NDUFAF8: variants seen among roughly 807,000 people sequenced by gnomAD.
NDUFAF8 encodes NADH dehydrogenase [ubiquinone] 1 alpha subcomplex assembly factor 8.
Under a neutral mutation model 9.9 loss-of-function variants are expected in NDUFAF8, and 9 were observed. The observed-to-expected ratio is 0.91, with a 90% CI of 0.55 to 1.59. The LOEUF (loss-of-function observed/expected upper bound fraction) is 1.59. Ranked by LOEUF, NDUFAF8 falls within the 40% of genes most tolerant of loss-of-function variation. NDUFAF8 has a pLI of 0.00. For missense variants in NDUFAF8, 114 were observed against 113.8 expected (o/e 1.00, Z -0.01); for synonymous variants, 63 against 51.2 (o/e 1.23, Z -0.98).
chr17:81,239,665 G>C lies in NDUFAF8; in HGVS notation c.182G>C (p.Cys61Ser), dbSNP rs1178461148. Residue 61 changes from cysteine to serine, a missense_variant, in exon 2 of 3, where the codon TGC (cysteine) becomes TCC (serine). Transcript: ENST00000431388. ...CGGGAGTTCGAGGCCCTGCGGAGCTGCTTCGCCGCTGCGGTAGGTGGGCGC... is the reference window on the plus strand; with the variant it reads ...CGGGAGTTCGAGGCCCTGCGGAGCTCCTTCGCCGCTGCGGTAGGTGGGCGC... Reference protein sequence around the residue: ...CAREFEALRSCFAAAAKKTLE... With the variant: ...CAREFEALRSSFAAAAKKTLE... 2.3e-5 allele frequency: 35 copies of C among 1,539,100 alleles called. No individual in the cohort carries two copies. Among genetic ancestry groups the C allele is most frequent in the Non-Finnish European group, 3.1e-5 (35 of 1,146,534 alleles).
chr17:81,240,785 G>A (rs1185117726), intron 2 of NDUFAF8, among the ~76,000 whole-genome samples: 4 of 152,112 alleles, frequency 2.6e-5, no homozygotes, highest in Non-Finnish European at 4.4e-5. Flanking sequence ...ATAGTGTCAT[G>A]AGGCCCTTGT....
chr17:81,241,084 T>G lies in NDUFAF8; in HGVS notation c.*68T>G. 1 of 1,563,848 alleles carries G rather than the reference T, an allele frequency of 6.4e-7. No individual in the cohort carries two copies. The highest frequency in any genetic ancestry group is 1.2e-5 in the South Asian group (1 of 85,270). On this transcript the variant is annotated 3_prime_UTR_variant, in exon 3 of 3. Coordinates refer to ENST00000431388, the MANE Select transcript of NDUFAF8 (RefSeq NM_001086521.2). ...GAGCCCTAGTCCTGATGGCCCCTGG[T>G]GGCACATATCGAATGCCTAGGGCAG...
chr17:81,239,520 G>A, intron 1 of NDUFAF8, 48 bp from the exon 2 acceptor site: 1 of 1,458,388 alleles, frequency 6.9e-7, no homozygotes, highest in Non-Finnish European at 9.0e-7. Context: ...GAGGGAGGAC[G>A]GTGACGGGGT....
rs2062790973 is a variant in NDUFAF8, at chr17:81,239,548, C to T, written c.85-20C>T. ...GACGGGGTCAGGGGACCCCACGACC[C>T]ACGCCCGTCCTTTCCGCAGGCCGCG... On this transcript the variant is annotated intron_variant, in intron 1 of 2. Transcript: ENST00000431388. 1 of 1,519,842 alleles carries T rather than the reference C, an allele frequency of 6.6e-7. No individual in the cohort carries two copies. The highest frequency in any genetic ancestry group is 2.0e-5 in the Admixed American group (1 of 49,362). The allele number at this position is 1,519,842 out of a possible 1,614,324, so 94.1% of individuals were successfully genotyped here.
rs1415020218 is a variant in NDUFAF8, at chr17:81,239,553, C to G, written c.85-15C>G. On this transcript the variant is annotated splice_polypyrimidine_tract_variant and intron_variant, in intron 1 of 2. Transcript: ENST00000431388. The stretch of plus-strand genomic sequence containing the variant: ...GGTCAGGGGACCCCACGACCCACGC[C>G]CGTCCTTTCCGCAGGCCGCGGCGTA... 3 of 1,525,986 alleles carry G rather than the reference C, an allele frequency of 2.0e-6. No homozygotes were observed. Among genetic ancestry groups the G allele is most frequent in the Admixed American group, 4.0e-5 (2 of 49,986 alleles). The allele number at this position is 1,525,986 out of a possible 1,614,324, so 94.5% of individuals were successfully genotyped here. A position where few individuals can be genotyped will look rare whatever the true frequency, so the allele number is the denominator to read the frequency against.
chr17:81,241,016 G>A lies in NDUFAF8; in HGVS notation c.225G>A (p.Ter75=). 1 of 1,613,232 alleles carries A rather than the reference G, an allele frequency of 6.2e-7. No homozygotes were observed. The part of the protein sequence containing the change: ...AAKKTLEGGC[*] ...AGAAGACGCTGGAGGGAGGCTGTTA[G>A]GAGGGACTCTGAGCTTCACACCTGT... is the stretch of plus-strand genomic sequence containing the variant. The change falls in exon 3 of 3, where the codon TAG becomes TAA. Residue 75 remains the stop codon, a stop_retained_variant. Transcript: ENST00000431388.
chr17:81,240,966 A>T, intron 2 of NDUFAF8, 21 bp from the exon 3 acceptor site: 1 of 1,612,532 alleles, frequency 6.2e-7, no homozygotes, highest in Non-Finnish European at 8.5e-7. Flanking sequence ...AGCCATTCAG[A>T]CAAAACACTT....
At chr17:81,240,684 G>T (rs796602915) in intron 2 of NDUFAF8, among the ~76,000 whole-genome samples, 6 of 148,416 alleles carry the variant, frequency 4.0e-5, no homozygotes, top group Non-Finnish European at 7.4e-5. Flanking sequence ...AAAAAAAAGG[G>T]GGGGGGCTCC....
intron 2 of NDUFAF8, chr17:81,239,893 C>G: frequency 1.6e-6 from 1 of 614,494 alleles, no homozygotes; most frequent in East Asian, 2.9e-5. Context: ...GGACTGGCAC[C>G]AACCTCAGAA....
chr17:81,239,425 G>A lies in NDUFAF8; in HGVS notation c.62G>A (p.Arg21Gln), dbSNP rs1419097720. 7.3e-7 allele frequency: 1 copy of A among 1,361,480 alleles called. No homozygotes were observed. The allele number at this position is 1,361,480 out of a possible 1,614,324, so 84.3% of individuals were successfully genotyped here. ...AGCCGCCTCCGCGCCTTCCCCGAGC[G>A]GCTGGCCGCCTGCGGGGCCGAGGTG... ...VRSRLRAFPE[R>Q]LAACGAEAAA... The change falls in exon 1 of 3, where the codon CGG becomes CAG. Residue 21 changes from arginine (R) to glutamine (Q), a missense_variant. Transcript: ENST00000431388.
Position 81,241,012 on chromosome 17 carries a change from G to C in NDUFAF8, c.221G>C (p.Cys74Ser). Residue 74 changes from cysteine (C) to serine (S), a missense_variant, in exon 3 of 3, where the codon TGT (cysteine) becomes TCT (serine). Coordinates refer to ENST00000431388, the MANE Select transcript of NDUFAF8 (RefSeq NM_001086521.2). ...GCCAAGAAGACGCTGGAGGGAGGCT[G>C]TTAGGAGGGACTCTGAGCTTCACAC... ...AAAKKTLEGG[C>S] The C allele has an allele frequency of 6.2e-7, 1 of 1,613,242 alleles. No homozygotes were observed. The highest frequency in any genetic ancestry group is 8.5e-7 in the Non-Finnish European group (1 of 1,179,674).
At chr17:81,240,197 C>T (rs1055386783) in intron 2 of NDUFAF8, 2 of 171,410 alleles carry the variant, frequency 1.2e-5, no homozygotes, top group African/African-American at 2.4e-5. Flanking sequence ...AAGTGTCAGC[C>T]GCACCGGGTA....
Position 81,240,994 on chromosome 17 carries a change from A to G in NDUFAF8, c.203A>G (p.Lys68Arg), listed in dbSNP as rs371310918. The G allele has an allele frequency of 6.2e-7, 1 of 1,613,340 alleles. No individual in the cohort carries two copies. The highest frequency in any genetic ancestry group is 8.5e-7 in the Non-Finnish European group (1 of 1,179,704). Residue 68 changes from lysine to arginine, a missense_variant, in exon 3 of 3, where the codon AAG becomes AGG. Lys to Arg is a conservative substitution (Grantham distance 26). Transcript: ENST00000431388. The stretch of plus-strand genomic sequence containing the variant: ...AAACACTTTATCTTGCAGGCCAAGA[A>G]GACGCTGGAGGGAGGCTGTTAGGAG... Reference protein sequence around the residue: ...LRSCFAAAAKKTLEGGC With the variant: ...LRSCFAAAAKRTLEGGC
At chr17:81,240,701 C>T (rs2062809802) in intron 2 of NDUFAF8, among the ~76,000 whole-genome samples, 1 of 150,396 alleles carries the variant, frequency 6.6e-6, no homozygotes, top group Non-Finnish European at 1.5e-5. Context: ...CTCCTGCTTT[C>T]CCTCTATGAG....
rs1374076987 is a variant in NDUFAF8, at chr17:81,241,105, G to A, written c.*89G>A. On this transcript the variant is annotated 3_prime_UTR_variant, in exon 3 of 3. Transcript: ENST00000431388. ...CTGGTGGCACATATCGAATGCCTAG[G>A]GCAGAAAGGAAGTGGGAATGGCGAA... The A allele has an allele frequency of 6.6e-7, 1 of 1,507,320 alleles. No individual in the cohort carries two copies. 93.4% of individuals were successfully genotyped at this position (1,507,320 alleles called of 1,614,324 possible).
chr17:81,240,541 G>T, intron 2 of NDUFAF8: 1 of 157,724 alleles, frequency 6.3e-6, no homozygotes, highest in Non-Finnish European at 1.4e-5. Flanking sequence ...GCCAGGCATG[G>T]TGGTGTAGTC....
At chr17:81,239,481 C>T (rs2062789863) in intron 1 of NDUFAF8, 34 bp downstream of exon 1, 21 of 1,417,422 alleles carry the variant, frequency 1.5e-5, no homozygotes, top group Non-Finnish European at 1.9e-5. Context: ...TGCTGCGGGG[C>T]AGGAGGAGCC....
chr17:81,241,076 G>T lies in NDUFAF8; in HGVS notation c.*60G>T. 1 of 1,571,446 alleles carries T rather than the reference G, an allele frequency of 6.4e-7. No homozygotes were observed. On this transcript the variant is annotated 3_prime_UTR_variant, in exon 3 of 3. Transcript: ENST00000431388. ...TGGGTGCAGAGCCCTAGTCCTGATGGCCCCTGGTGGCACATATCGAATGCC... is the reference window on the plus strand; with the variant it reads ...TGGGTGCAGAGCCCTAGTCCTGATGTCCCCTGGTGGCACATATCGAATGCC...
chr17:81,239,708 C>T (rs2062794359), intron 2 of NDUFAF8, 30 bp downstream of exon 2: 2 of 1,523,454 alleles, frequency 1.3e-6, no homozygotes, highest in Non-Finnish European at 1.8e-6. Context: ...TTCCCCCCTT[C>T]CCAGCCCTTC....
Sources: gnomAD v4.1 joint callset for allele counts (sites outside exome capture counted in the v4.1 genomes callset) on GRCh38, gnomAD v4.1.1 for gene constraint, MANE v1.5 for transcripts, NCBI Gene and HGNC (gene_info 2026-07-23, HGNC 2026-07-21) for gene names.